SNX7: variants seen among roughly 807,000 people sequenced by gnomAD.
The protein encoded by SNX7 is sorting nexin 7, also known as sorting nexin-7.
In SNX7, 35 loss-of-function variants were observed where a neutral mutation model predicts 48.4. The observed-to-expected ratio is 0.72, with a 90% CI of 0.55 to 0.96. SNX7 has a LOEUF of 0.96. Ranked by LOEUF, SNX7 falls within the 40% of genes least tolerant of loss-of-function variation. The pLI, the probability that SNX7 is intolerant of heterozygous loss-of-function variation, is 0.00. For synonymous variants in SNX7, 190 were observed against 190.2 expected (o/e 1.00, Z 0.01); for missense variants, 553 against 548.9 (o/e 1.01, Z -0.07).
At chr1:98,740,248 A>G (rs2101038005) in intron 8 of SNX7, among the ~76,000 whole-genome samples, 1 of 152,324 alleles carries the variant, frequency 6.6e-6, no homozygotes, top group South Asian at 2.1e-4. Flanking sequence ...AAGCACATTT[A>G]TCAACATAAG....
chr1:98,758,185 A>G (rs2101065254), intron 8 of SNX7, among the ~76,000 whole-genome samples: 1 of 152,238 alleles, frequency 6.6e-6, no homozygotes, highest in East Asian at 1.9e-4. Context: ...CAAATCATGC[A>G]TAGTTTGGAC....
At chr1:98,713,094 G>GGAAAAAA (rs1652401438) in intron 7 of SNX7, among the ~76,000 whole-genome samples, 1 of 129,854 alleles carries the variant, frequency 7.7e-6, no homozygotes, top group African/African-American at 2.9e-5. Context: ...TCTGTCTCAG[G>GGAAAAAA]AAAAAAAAAA....
chr1:98,686,085 C>T lies in SNX7; in HGVS notation c.363+1018C>T, dbSNP rs527607533. Among the ~76,000 whole-genome samples, 3 of 152,208 alleles carry T rather than the reference C, an allele frequency of 2.0e-5. No homozygotes were observed. In the East Asian group the frequency reaches 5.8e-4, roughly 29 times the overall value. ...TGCTCTCAAAACTGCATATAGTTTT[C>T]CTTCTGTTTGCTGTGTCCATCCCCT... On this transcript the variant is annotated intron_variant, in intron 2 of 8. Coordinates refer to ENST00000306121, the MANE Select transcript of SNX7 (RefSeq NM_015976.5).
At chr1:98,725,861 C>A (rs1375498902) in intron 7 of SNX7, among the ~76,000 whole-genome samples, 3 of 152,130 alleles carry the variant, frequency 2.0e-5, no homozygotes, top group Non-Finnish European at 4.4e-5. Context: ...GGAGAAGGGT[C>A]TTACTATAAT....
intron 4 of SNX7, 87 bp from the exon 5 acceptor site, chr1:98,695,431 T>G: frequency 2.4e-6 from 3 of 1,272,070 alleles, no homozygotes; most frequent in Non-Finnish European, 3.3e-6. Flanking sequence ...TATCTTGATT[T>G]TATTCTCCTA....
chr1:98,753,335 C>G (rs1238641755), intron 8 of SNX7, among the ~76,000 whole-genome samples: 1 of 151,992 alleles, frequency 6.6e-6, no homozygotes. Flanking sequence ...TTTTACTGTC[C>G]CTTTTAGTAC....
At chr1:98,662,922 T>A (rs1236800299) in intron 1 of SNX7, 54 of 1,019,562 alleles carry the variant, frequency 5.3e-5, no homozygotes, top group Non-Finnish European at 6.7e-5. Flanking sequence ...ATATAAAACT[T>A]ATTTCTACTT....
At chr1:98,718,250 T>C (rs1054487424) in intron 7 of SNX7, among the ~76,000 whole-genome samples, 8 of 152,128 alleles carry the variant, frequency 5.3e-5, no homozygotes, top group African/African-American at 1.4e-4. Flanking sequence ...ATGTGTGGTT[T>C]TTAGTATATA....
intron 2 of SNX7, among the ~76,000 whole-genome samples, chr1:98,688,127 G>A (rs997040471): frequency 1.3e-5 from 2 of 152,144 alleles, no homozygotes; most frequent in African/African-American, 4.8e-5. Context: ...CATCTAATTT[G>A]GAGGTTGAAA....
chr1:98,697,465 A>G (rs1476584999), intron 5 of SNX7, among the ~76,000 whole-genome samples: 1 of 152,098 alleles, frequency 6.6e-6, no homozygotes, highest in Non-Finnish European at 1.5e-5. Context: ...TAAATTTTCC[A>G]CCACAAAAAG....
intron 7 of SNX7, among the ~76,000 whole-genome samples, chr1:98,723,640 G>A: frequency 6.6e-6 from 1 of 152,032 alleles, no homozygotes; most frequent in East Asian, 1.9e-4. Flanking sequence ...GATCACCTGA[G>A]GTCAGGAGTT....
chr1:98,758,647 C>T (rs1444843531), intron 8 of SNX7, among the ~76,000 whole-genome samples: 2 of 151,970 alleles, frequency 1.3e-5, no homozygotes, highest in African/African-American at 2.4e-5. Context: ...CCTACATTAC[C>T]CCAAGCCTGG....
chr1:98,662,894 C>T lies in SNX7; in HGVS notation c.180+983C>T, dbSNP rs1174818173. On this transcript the variant is annotated intron_variant, in intron 1 of 8. Coordinates refer to ENST00000306121, the MANE Select transcript of SNX7 (RefSeq NM_015976.5). ...AAGTTAGGAAGTGACCATGCATACT[C>T]TGACTCCAAAGAGGAGTATATAAAA... 10 of 1,236,036 alleles carry T rather than the reference C, an allele frequency of 8.1e-6. No individual in the cohort carries two copies. In the African/African-American group the frequency reaches 1.6e-4, roughly 19 times the overall value. The allele number at this position is 1,236,036 out of a possible 1,614,324, so 76.6% of individuals were successfully genotyped here.
At chr1:98,712,102 A>G (rs919335165) in intron 7 of SNX7, among the ~76,000 whole-genome samples, 7 of 152,142 alleles carry the variant, frequency 4.6e-5, no homozygotes, top group Admixed American at 2.0e-4. Context: ...TTTCTGCCAC[A>G]CCTGCAGTTA....
rs146548627 is a variant in SNX7, at chr1:98,751,804, A to C, written c.1279-8250A>C. On this transcript the variant is annotated intron_variant, in intron 8 of 8. Coordinates refer to ENST00000306121, the MANE Select transcript of SNX7 (RefSeq NM_015976.5). ...AATGAAATTACCTGATTTCATCAGA[A>C]GATTATTGCATGAAATAAAACAGTA... Among the ~76,000 whole-genome samples, 31 of 152,256 alleles carry C rather than the reference A, an allele frequency of 2.0e-4. No homozygotes were observed. The East Asian group carries it at 5.8e-3, about 28-fold the overall frequency.
In SNX7 at chr1:98,701,905, T is replaced by G; in HGVS notation, c.1125+2T>G. ...TATAAAAAGGCAGATACTGATCTGGTAAGTTTTTAAGTTTCTTGATACAAT... is the reference window on the plus strand; with the variant it reads ...TATAAAAAGGCAGATACTGATCTGGGAAGTTTTTAAGTTTCTTGATACAAT... On this transcript the variant is annotated splice_donor_variant, in intron 7 of 8. Coordinates refer to ENST00000306121, the MANE Select transcript of SNX7 (RefSeq NM_015976.5). LOFTEE classifies it high-confidence loss of function. 1 of 1,594,296 alleles carries G rather than the reference T, an allele frequency of 6.3e-7. No homozygotes were observed. Among genetic ancestry groups the G allele is most frequent in the Non-Finnish European group, 8.6e-7 (1 of 1,167,858 alleles).
At chr1:98,693,164 A>G (rs2100958352) in intron 4 of SNX7, among the ~76,000 whole-genome samples, 1 of 116,214 alleles carries the variant, frequency 8.6e-6, no homozygotes, top group South Asian at 3.4e-4. Flanking sequence ...GGGTAGATGG[A>G]TGAATGGAGA....
At chr1:98,727,672 C>T (rs1653259686) in intron 7 of SNX7, among the ~76,000 whole-genome samples, 1 of 151,692 alleles carries the variant, frequency 6.6e-6, no homozygotes, top group South Asian at 2.1e-4. Flanking sequence ...AACAGAGTAA[C>T]CAGTTTAGAG....
intron 2 of SNX7, among the ~76,000 whole-genome samples, chr1:98,685,300 A>G (rs1021196727): frequency 3.3e-5 from 5 of 152,216 alleles, no homozygotes; most frequent in Non-Finnish European, 5.9e-5. Flanking sequence ...TATAGCAGCT[A>G]TACTTCTTAG....
Sources: allele counts gnomAD v4.1 joint callset (sites outside exome capture counted in the v4.1 genomes callset), GRCh38; gene constraint gnomAD v4.1.1; transcripts MANE v1.5; gene names NCBI Gene and HGNC (gene_info 2026-07-23, HGNC 2026-07-21).